The following CPQ variants were observed in gnomAD, a reference collection of about 807,000 sequenced individuals.
CPQ encodes the protein Ser-Met dipeptidase.
In CPQ, 37 loss-of-function variants were observed where a neutral mutation model predicts 45.7. That is an observed-to-expected ratio of 0.81 (90% CI 0.62 to 1.07). CPQ has a LOEUF of 1.07. CPQ is among the 50% of genes least tolerant of loss of function. CPQ has a pLI of 0.00. For missense variants in CPQ, 537 were observed against 572.9 expected, an observed-to-expected ratio of 0.94 and a Z score of 0.64; for synonymous variants, 186 against 205.8, an observed-to-expected ratio of 0.90 and a Z score of 0.82.
intron 4 of CPQ, among the ~76,000 whole-genome samples, chr8:96,915,215 C>G (rs545826430): frequency 6.4e-4 from 98 of 152,140 alleles, no homozygotes; most frequent in Non-Finnish European, 1.2e-3. Context: ...TTTTTAAGAG[C>G]TGCAGCCTTG....
intron 1 of CPQ, among the ~76,000 whole-genome samples, chr8:96,713,830 G>A (rs1353082320): frequency 6.6e-6 from 1 of 152,222 alleles, no homozygotes; most frequent in Non-Finnish European, 1.5e-5. Context: ...TTGTAGGGCT[G>A]GTGTGGTAGT....
chr8:96,852,545 T>A (rs1383163368), intron 3 of CPQ, among the ~76,000 whole-genome samples: 1 of 152,162 alleles, frequency 6.6e-6, no homozygotes, highest in Non-Finnish European at 1.5e-5. Context: ...ACATCCCATC[T>A]CGCCCTCTTC....
At chr8:96,684,622 C>A (rs1168054444) in intron 1 of CPQ, among the ~76,000 whole-genome samples, 1 of 152,028 alleles carries the variant, frequency 6.6e-6, no homozygotes, top group African/African-American at 2.4e-5. Flanking sequence ...GATAGGGTAG[C>A]CCTGTCTTCA....
intron 7 of CPQ, among the ~76,000 whole-genome samples, chr8:97,123,005 A>AT (rs1811756672): frequency 2.5e-5 from 1 of 40,746 alleles, no homozygotes; most frequent in African/African-American, 1.4e-4. Flanking sequence ...AATAAAATAT[A>AT]AAATAAAATA....
At chr8:97,043,890 G>A (rs918227733) in intron 6 of CPQ, among the ~76,000 whole-genome samples, 5 of 152,174 alleles carry the variant, frequency 3.3e-5, no homozygotes, top group Admixed American at 6.5e-5. Flanking sequence ...TGGGTAACCC[G>A]ACCTTTCTCT....
intron 1 of CPQ, among the ~76,000 whole-genome samples, chr8:96,735,740 ATCT>A (rs1809974124): frequency 6.6e-6 from 1 of 152,026 alleles, no homozygotes; most frequent in African/African-American, 2.4e-5. Context: ...CTTTACTCAG[ATCT>A]TCTTGTCCCA....
At chr8:97,005,422 C>T (rs879701892) in intron 5 of CPQ, among the ~76,000 whole-genome samples, 1 of 151,750 alleles carries the variant, frequency 6.6e-6, no homozygotes, top group Non-Finnish European at 1.5e-5. Context: ...TGTTTTGAAG[C>T]CAGGTGCAGT....
chr8:96,878,430 ATAAT>A (rs762723887), intron 3 of CPQ, among the ~76,000 whole-genome samples: 5 of 152,220 alleles, frequency 3.3e-5, no homozygotes, highest in Non-Finnish European at 7.3e-5. Flanking sequence ...ATTTAGTTGT[ATAAT>A]TAATTATTTC....
chr8:96,676,333 C>T lies in CPQ; in HGVS notation c.-35+30931C>T, dbSNP rs562227801. Among the ~76,000 whole-genome samples, 18 of 152,028 alleles carry T rather than the reference C, an allele frequency of 1.2e-4. No homozygotes were observed. In the South Asian group the frequency reaches 3.3e-3, roughly 28 times the overall value. On this transcript the variant is annotated intron_variant, in intron 1 of 7. Coordinates refer to ENST00000220763, the MANE Select transcript of CPQ (RefSeq NM_016134.4). ...ATCTCCATGAGATAAACTTTTTTAG[C>T]TACCACATGTAAGTAAGAGCGTGCA... is the stretch of plus-strand genomic sequence containing the variant.
At chr8:96,804,077 G>T (rs79802971) in intron 2 of CPQ, among the ~76,000 whole-genome samples, 3,539 of 152,244 alleles carry the variant, frequency 0.023, 71 homozygotes, top group Non-Finnish European at 0.036. Context: ...GAAGGATAAA[G>T]GATTTACTGG....
intron 2 of CPQ, among the ~76,000 whole-genome samples, chr8:96,808,204 A>G (rs574846051): frequency 5.1e-4 from 77 of 152,348 alleles, no homozygotes; most frequent in African/African-American, 1.8e-3. Flanking sequence ...CTATATAGCT[A>G]TATTTTATGA....
At chr8:96,754,305 A>G (rs1810301128) in intron 1 of CPQ, among the ~76,000 whole-genome samples, 1 of 152,080 alleles carries the variant, frequency 6.6e-6, no homozygotes, top group Admixed American at 6.6e-5. Flanking sequence ...AGACTTTAAT[A>G]TGCTAATACA....
intron 1 of CPQ, among the ~76,000 whole-genome samples, chr8:96,750,588 C>CTT (rs538164805): frequency 2.3e-5 from 3 of 130,332 alleles, no homozygotes; most frequent in South Asian, 4.9e-4. Flanking sequence ...GAGATCTTTT[C>CTT]TTTTTTTTTT....
chr8:96,725,358 T>G (rs1809822350), intron 1 of CPQ, among the ~76,000 whole-genome samples: 1 of 152,174 alleles, frequency 6.6e-6, no homozygotes, highest in Admixed American at 6.6e-5. Context: ...ATATCCAGAC[T>G]CTATAAGGAA....
chr8:96,905,975 G>A (rs1812570540), intron 4 of CPQ, among the ~76,000 whole-genome samples: 1 of 152,138 alleles, frequency 6.6e-6, no homozygotes, highest in Admixed American at 6.5e-5. Flanking sequence ...ATGCTGCTGA[G>A]CTGACTTGAG....
At chr8:97,126,968 G>GA (rs954776787) in intron 7 of CPQ, among the ~76,000 whole-genome samples, 19 of 152,032 alleles carry the variant, frequency 1.2e-4, no homozygotes, top group African/African-American at 2.9e-4. Flanking sequence ...TCCTTAAGGG[G>GA]AAAAAAATGA....
At position 96,991,574 on chromosome 8, in the gene CPQ, A is replaced by C. The variant is rs1232056625; in HGVS notation, c.961+25528A>C. Among the ~76,000 whole-genome samples the C allele has an allele frequency of 3.4e-5, 5 of 146,648 alleles. No homozygotes were observed. In the East Asian group the frequency reaches 6.1e-4, roughly 18 times the overall value. On this transcript the variant is annotated intron_variant, in intron 5 of 7. Coordinates refer to ENST00000220763, the MANE Select transcript of CPQ (RefSeq NM_016134.4). ...CTGTCATAATAATAATAATAATAAT[A>C]ATAATAATAATAATAATAATAATAA...
intron 4 of CPQ, among the ~76,000 whole-genome samples, chr8:96,964,973 G>A (rs184204376): frequency 6.6e-6 from 1 of 152,198 alleles, no homozygotes; most frequent in African/African-American, 2.4e-5. Context: ...TTTAGTTTCA[G>A]TGAATTTTTA....
At chr8:97,066,270 TC>T in intron 7 of CPQ, 60 bp downstream of exon 7, 2 of 1,502,900 alleles carry the variant, frequency 1.3e-6, no homozygotes, top group Non-Finnish European at 1.8e-6. Flanking sequence ...AAATAAAATT[TC>T]TGTTTTAATA....
Sources: gnomAD v4.1 joint callset for allele counts (sites outside exome capture counted in the v4.1 genomes callset) on GRCh38, gnomAD v4.1.1 for gene constraint, MANE v1.5 for transcripts, NCBI Gene and HGNC (gene_info 2026-07-23, HGNC 2026-07-21) for gene names.